Variants in ABCB5 observed in about 807,000 individuals in gnomAD.
The protein encoded by ABCB5 is ATP-binding cassette sub-family B member 5.
In ABCB5, 155 loss-of-function variants were observed where a neutral mutation model predicts 144.2. The observed-to-expected ratio is 1.08, with a 90% CI of 0.94 to 1.23. The LOEUF (loss-of-function observed/expected upper bound fraction) is 1.23. Ranked by LOEUF, ABCB5 falls within the 50% of genes most tolerant of loss-of-function variation. The probability of loss-of-function intolerance (pLI) is 0.00; values close to 1 mark genes in which losing one functional copy is unlikely to be tolerated. For synonymous variants in ABCB5, 610 were observed against 528.6 expected (o/e 1.15, Z -2.11); for missense variants, 1,830 against 1,520.8 (o/e 1.20, Z -3.38).
At chr7:20,687,342 T>A (rs1583426074) in intron 16 of ABCB5, among the ~76,000 whole-genome samples, 1 of 152,208 alleles carries the variant, frequency 6.6e-6, no homozygotes, top group Non-Finnish European at 1.5e-5. Context: ...CAAAATGATA[T>A]AATTGGTTTA....
At chr7:20,626,506 G>C in intron 2 of ABCB5, 51 bp from the exon 3 acceptor site, 1 of 1,535,720 alleles carries the variant, frequency 6.5e-7, no homozygotes. Flanking sequence ...GAAAAATTTT[G>C]CAAATTATAT....
rs368951433 is a variant in ABCB5 at position 20,688,918 on chromosome 7, G to A, written c.2010+3082G>A. Among the ~76,000 whole-genome samples, 17 of 151,914 alleles carry A rather than the reference G, an allele frequency of 1.1e-4. No individual in the cohort carries two copies. The East Asian group carries it at 3.1e-3, about 28-fold the overall frequency. The stretch of plus-strand genomic sequence containing the variant: ...CACTCATAGGTGGGAATTGAACAAC[G>A]AGAACACTTGGACACAGGAAGGGGA... On this transcript the variant is annotated intron_variant, in intron 16 of 27. Coordinates refer to ENST00000404938, the MANE Select transcript of ABCB5 (RefSeq NM_001163941.2).
chr7:20,732,695 A>G (rs1782260645), intron 23 of ABCB5, among the ~76,000 whole-genome samples: 1 of 152,202 alleles, frequency 6.6e-6, no homozygotes, highest in Non-Finnish European at 1.5e-5. Context: ...GTCTAATACC[A>G]GGTGCTTTGG....
intron 5 of ABCB5, among the ~76,000 whole-genome samples, chr7:20,637,443 G>C (rs993787546): frequency 6.7e-6 from 1 of 149,444 alleles, no homozygotes; most frequent in Non-Finnish European, 1.5e-5. Flanking sequence ...TTTTGAGATG[G>C]AGTTTTTGCT....
rs201244034 is a variant in ABCB5 at position 20,626,603 on chromosome 7, A to G, written c.100A>G (p.Ile34Val). The change falls in exon 3 of 28, where the codon ATT (isoleucine) becomes GTT (valine). Residue 34 changes from isoleucine to valine, a missense_variant. Transcript: ENST00000404938. ...PKLRKEAVGS[I>V]EIFRFADGLD... ...ACTGAGAAAGGAAGCAGTTGGATCT[A>G]TTGAGATAGTAAGTGAAATCAGTTA... 2.8e-4 allele frequency: 447 copies of G among 1,605,884 alleles called. 2 individuals are homozygous for G. The highest frequency in any genetic ancestry group is 3.3e-4 in the Middle Eastern group (2 of 6,066).
intron 20 of ABCB5, among the ~76,000 whole-genome samples, chr7:20,721,851 G>T (rs1781878594): frequency 6.6e-6 from 1 of 152,128 alleles, no homozygotes; most frequent in African/African-American, 2.4e-5. Flanking sequence ...CTAAGCTAAA[G>T]TATAGCATTC....
At chr7:20,701,324 T>G (rs962500967) in intron 19 of ABCB5, among the ~76,000 whole-genome samples, 1 of 152,240 alleles carries the variant, frequency 6.6e-6, no homozygotes, top group Non-Finnish European at 1.5e-5. Context: ...TTCACATTTG[T>G]TGACTATTTC....
In ABCB5 at chr7:20,660,265, G is replaced by C. The variant is rs567451139; in HGVS notation, c.1707+1589G>C. 8.4e-3 allele frequency: 8,307 copies of C among 985,210 alleles called. 41 individuals are homozygous for C. The highest frequency in any genetic ancestry group is 9.5e-3 in the Non-Finnish European group (7,851 of 829,678). The allele number at this position is 985,210 out of a possible 1,614,324, so 61.0% of individuals were successfully genotyped here. A position where few individuals can be genotyped will look rare whatever the true frequency, so the allele number is the denominator to read the frequency against. ...AAATAGCAACTGTGAAAAAAATGAAGGCAATATATGAAAATAATAACAGCT... is the reference window on the plus strand; with the variant it reads ...AAATAGCAACTGTGAAAAAAATGAACGCAATATATGAAAATAATAACAGCT... On this transcript the variant is annotated intron_variant, in intron 14 of 27. Transcript: ENST00000404938.
intron 16 of ABCB5, among the ~76,000 whole-genome samples, chr7:20,690,687 C>A (rs546304407): frequency 6.6e-6 from 1 of 151,846 alleles, no homozygotes; most frequent in Admixed American, 6.6e-5. Flanking sequence ...AAGCTGTCAG[C>A]GGAGAAATAA....
At chr7:20,670,847 T>G (rs1264705553) in intron 14 of ABCB5, among the ~76,000 whole-genome samples, 1 of 152,106 alleles carries the variant, frequency 6.6e-6, no homozygotes, top group Non-Finnish European at 1.5e-5. Context: ...AGGCGGAGGT[T>G]GCAGTGAGCC....
intron 7 of ABCB5, among the ~76,000 whole-genome samples, chr7:20,645,011 A>G (rs1022841845): frequency 6.6e-6 from 1 of 152,222 alleles, no homozygotes; most frequent in Non-Finnish European, 1.5e-5. Context: ...GAAGTAAATG[A>G]GGAGTTGTAA....
intron 16 of ABCB5, among the ~76,000 whole-genome samples, chr7:20,687,843 C>T (rs1194527458): frequency 6.6e-6 from 1 of 152,132 alleles, no homozygotes; most frequent in African/African-American, 2.4e-5. Flanking sequence ...TATGATCATG[C>T]CACTGTACCC....
At chr7:20,673,198 T>C (rs938776015) in intron 14 of ABCB5, among the ~76,000 whole-genome samples, 2 of 152,112 alleles carry the variant, frequency 1.3e-5, no homozygotes, top group Admixed American at 1.3e-4. Flanking sequence ...TTATGGTCCC[T>C]CTTAGTAAAT....
At chr7:20,659,307 T>C in intron 14 of ABCB5, 1 of 1,426,042 alleles carries the variant, frequency 7.0e-7, no homozygotes, top group Non-Finnish European at 9.2e-7. Context: ...CTCGATGGCC[T>C]GACTCCCTTA....
chr7:20,740,127 C>G (rs1461309887), intron 24 of ABCB5, among the ~76,000 whole-genome samples: 5 of 152,102 alleles, frequency 3.3e-5, no homozygotes, highest in African/African-American at 7.2e-5. Flanking sequence ...GTAGTCCCAG[C>G]TACTCGGGAG....
rs768266776 is a variant in ABCB5, at chr7:20,742,923, A to G, written c.3071A>G (p.Tyr1024Cys). 1.2e-6 allele frequency: 2 copies of G among 1,614,188 alleles called. No homozygotes were observed. The highest frequency in any genetic ancestry group is 3.3e-5 in the Admixed American group (2 of 60,026). The change falls in exon 25 of 28, where the codon TAT becomes TGT. Residue 1024 changes from tyrosine (Y) to cysteine (C), a missense_variant. Physicochemically the swap from Tyr to Cys is radical, Grantham distance 194 (BLOSUM62 -2). Transcript: ENST00000404938. ...NLEFREVSFF[Y>C]PCRPDVFILR... ...GAGTTTCGAGAAGTCTCTTTCTTCTATCCATGTCGCCCAGATGTTTTCATC... is the reference window on the plus strand; with the variant it reads ...GAGTTTCGAGAAGTCTCTTTCTTCTGTCCATGTCGCCCAGATGTTTTCATC...
intron 24 of ABCB5, among the ~76,000 whole-genome samples, chr7:20,741,115 A>C (rs1479997566): frequency 6.6e-6 from 1 of 151,862 alleles, no homozygotes; most frequent in Non-Finnish European, 1.5e-5. Flanking sequence ...AAAAAAAAAA[A>C]AAAAATTAAA....
At chr7:20,721,566 T>C (rs1781869579) in intron 20 of ABCB5, among the ~76,000 whole-genome samples, 2 of 152,226 alleles carry the variant, frequency 1.3e-5, no homozygotes. Flanking sequence ...TTCCTGTCCA[T>C]GTTGGTTTCC....
chr7:20,753,539 T>C lies in ABCB5; in HGVS notation c.3576+33T>C, dbSNP rs1425554393. 7 of 1,590,686 alleles carry C rather than the reference T, an allele frequency of 4.4e-6. No individual in the cohort carries two copies. In the South Asian group the frequency reaches 5.7e-5, roughly 13 times the overall value. ...CATTTTCTTTTATCTCAGAATATAA[T>C]ACCAAATATAAGCATCCAATAACAT... is the stretch of plus-strand genomic sequence containing the variant. On this transcript the variant is annotated intron_variant, in intron 27 of 27. Coordinates refer to ENST00000404938, the MANE Select transcript of ABCB5 (RefSeq NM_001163941.2).
Sources: allele counts gnomAD v4.1 joint callset (sites outside exome capture counted in the v4.1 genomes callset), GRCh38; gene constraint gnomAD v4.1.1; transcripts MANE v1.5; gene names NCBI Gene and HGNC (gene_info 2026-07-23, HGNC 2026-07-21).